CELF5: variants seen among roughly 807,000 people sequenced by gnomAD.
CELF5 encodes the protein CUGBP Elav-like family member 5.
A neutral mutation model predicts 54.9 loss-of-function variants in CELF5; 6 were observed. The observed-to-expected ratio is 0.11, with a 90% CI of 0.06 to 0.22. The LOEUF is 0.22. Among genes scored for constraint, CELF5 ranks in the 10% least tolerant of loss-of-function variants. The pLI is 1.00. For synonymous variants in CELF5, 271 were observed against 290.9 expected (o/e 0.93, Z 0.70); for missense variants, 401 against 678.6 (o/e 0.59, Z 4.54).
rs1917028860 is a variant in CELF5 at position 3,228,109 on chromosome 19, GAGAGAGAGAGAGAGAGAGATGAGGACAC to G, written c.259+3129_259+3156del. ...CCTGGGGCGCTGGGTTTGTTTTTAA[GAGAGAGAGAGAGAGAGAGATGAGGACAC>G]AGAGAGAGAGAGAGAGACACGCAGG... On this transcript the variant is annotated intron_variant, in intron 1 of 12. Coordinates refer to ENST00000292672, the MANE Select transcript of CELF5 (RefSeq NM_021938.4). The surrounding 1 kb of genome is among the most constrained non-coding windows in gnomAD (Gnocchi z 6.0). Among the ~76,000 whole-genome samples the G allele has an allele frequency of 6.7e-6, 1 of 149,260 alleles. No individual in the cohort carries two copies. The highest frequency in any genetic ancestry group is 1.5e-5 in the Non-Finnish European group (1 of 67,038).
chr19:3,288,915 C>A (rs138778825), intron 10 of CELF5, among the ~76,000 whole-genome samples: 6 of 152,160 alleles, frequency 3.9e-5, no homozygotes, highest in Non-Finnish European at 5.9e-5. Flanking sequence ...GGAAGAAGGT[C>A]ATTTTTAGGT....
intron 2 of CELF5, among the ~76,000 whole-genome samples, chr19:3,263,655 C>T (rs1047097874): frequency 2.6e-5 from 4 of 151,806 alleles, no homozygotes; most frequent in East Asian, 1.9e-4. Flanking sequence ...CTGTAATCCC[C>T]GCACTTTGGG....
chr19:3,291,784 CA>C (rs1403773684), intron 11 of CELF5, among the ~76,000 whole-genome samples: 9 of 151,164 alleles, frequency 6.0e-5, no homozygotes, highest in African/African-American at 1.9e-4. Flanking sequence ...GGAGAGGGGA[CA>C]GGGGAGGGTG....
intron 1 of CELF5, among the ~76,000 whole-genome samples, chr19:3,231,230 G>T (rs1337826218): frequency 6.6e-6 from 1 of 152,210 alleles, no homozygotes; most frequent in Non-Finnish European, 1.5e-5. Flanking sequence ...AAGTGAGCTT[G>T]TGGATGAACA....
Position 3,278,047 on chromosome 19 carries a change from G to A in CELF5, c.540G>A (p.Lys180=), listed in dbSNP as rs763518058. The A allele has an allele frequency of 6.8e-6, 11 of 1,612,888 alleles. No homozygotes were observed. The highest frequency in any genetic ancestry group is 2.2e-5 in the East Asian group (1 of 44,848). Residue 180 remains lysine, a synonymous_variant, in exon 5 of 13, where the codon AAG becomes AAA. Transcript: ENST00000292672. This position sits in a 1 kb window ranked among gnomAD's most constrained non-coding sequence, Gnocchi z 4.5. ...TTGGAGCAGGCTGTGCTTTCGTGAA[G>A]TTCTCCTCCCACACGGAGGCGCAGG... The part of the protein sequence containing the change: ...DGSSKGCAFV[K]FSSHTEAQAA...
chr19:3,231,359 T>C (rs1457109802), intron 1 of CELF5, among the ~76,000 whole-genome samples: 1 of 151,978 alleles, frequency 6.6e-6, no homozygotes, highest in Non-Finnish European at 1.5e-5. Context: ...GATGAATGGG[T>C]GACAGTGACT....
At chr19:3,233,953 A>G (rs1298178763) in intron 1 of CELF5, among the ~76,000 whole-genome samples, 1 of 152,170 alleles carries the variant, frequency 6.6e-6, no homozygotes, top group Admixed American at 6.5e-5. Context: ...GCTCCTGAAG[A>G]CGGCGGCGCC....
chr19:3,268,904 T>C lies in CELF5; in HGVS notation c.343-4968T>C, dbSNP rs1347519628. Among the ~76,000 whole-genome samples, 1 of 150,480 alleles carries C rather than the reference T, an allele frequency of 6.6e-6. No individual in the cohort carries two copies. ...GTCACCAGCCACGTTCAGGGGGCCA[T>C]GGCAGGAGGAGCGGGGAGGAATGAC... On this transcript the variant is annotated intron_variant, in intron 2 of 12. Transcript: ENST00000292672. The surrounding 1 kb of genome is among the most constrained non-coding windows in gnomAD (Gnocchi z 4.4).
chr19:3,246,098 T>TTA (rs1354724579), intron 1 of CELF5, among the ~76,000 whole-genome samples: 2 of 152,224 alleles, frequency 1.3e-5, no homozygotes, highest in African/African-American at 4.8e-5. Context: ...GTGCGGTGGC[T>TTA]TACGCCTATA....
At chr19:3,234,461 T>C (rs992885171) in intron 1 of CELF5, among the ~76,000 whole-genome samples, 4 of 152,098 alleles carry the variant, frequency 2.6e-5, no homozygotes, top group African/African-American at 9.7e-5. Context: ...ACATTTGTGG[T>C]TGTCATGATT....
intron 10 of CELF5, among the ~76,000 whole-genome samples, chr19:3,288,886 CTTG>C (rs915727857): frequency 1.3e-5 from 2 of 151,980 alleles, no homozygotes; most frequent in Non-Finnish European, 2.9e-5. Flanking sequence ...AGGGATTCCT[CTTG>C]TTGTGGGGTG....
intron 1 of CELF5, among the ~76,000 whole-genome samples, chr19:3,244,967 CGT>C (rs1431672254): frequency 3.3e-4 from 34 of 102,152 alleles, no homozygotes; most frequent in African/African-American, 1.2e-3. Context: ...ATCTTGTCTG[CGT>C]GTGTGTGTGC....
intron 10 of CELF5, among the ~76,000 whole-genome samples, chr19:3,290,007 G>A (rs2080316514): frequency 6.6e-6 from 1 of 152,048 alleles, no homozygotes. Context: ...GGACCATTTT[G>A]GTGCGGAGTA....
chr19:3,258,953 G>T (rs566975293), intron 2 of CELF5, among the ~76,000 whole-genome samples: 5 of 152,202 alleles, frequency 3.3e-5, no homozygotes, highest in African/African-American at 1.2e-4. Flanking sequence ...TCACTCCAGG[G>T]GTGACCACAG....
chr19:3,258,636 G>A (rs1420615420), intron 2 of CELF5, among the ~76,000 whole-genome samples: 5 of 152,122 alleles, frequency 3.3e-5, no homozygotes, highest in African/African-American at 1.2e-4. Context: ...TTTAGAGACA[G>A]GGTCTTGCTC....
At chr19:3,283,290 G>C (rs2080181353) in intron 8 of CELF5, among the ~76,000 whole-genome samples, 1 of 152,070 alleles carries the variant, frequency 6.6e-6, no homozygotes, top group Non-Finnish European at 1.5e-5. Flanking sequence ...TGTGAAGTAA[G>C]TTATCTGTCT....
intron 1 of CELF5, among the ~76,000 whole-genome samples, chr19:3,233,736 G>C (rs1917385717): frequency 6.6e-6 from 1 of 152,184 alleles, no homozygotes; most frequent in African/African-American, 2.4e-5. Context: ...AGCGGGTTCT[G>C]TGTGTCTTGG....
chr19:3,293,316 C>T lies in CELF5; in HGVS notation c.1331-3C>T. ...CCACGGAGGTCCACCCTGGTTTCTG[C>T]AGGCTTCGTGAGCTTTGATAACCCG... On this transcript the variant is annotated splice_polypyrimidine_tract_variant and splice_region_variant and intron_variant, in intron 11 of 12. Coordinates refer to ENST00000292672, the MANE Select transcript of CELF5 (RefSeq NM_021938.4). 6.2e-7 allele frequency: 1 copy of T among 1,614,032 alleles called. No homozygotes were observed. Among genetic ancestry groups the T allele is most frequent in the African/African-American group, 1.3e-5 (1 of 75,066 alleles).
At chr19:3,231,448 G>A (rs555405144) in intron 1 of CELF5, among the ~76,000 whole-genome samples, 1 of 60,556 alleles carries the variant, frequency 1.7e-5, no homozygotes, top group South Asian at 9.0e-4. Context: ...ATGGGTGAAC[G>A]GATGGATGGA....
Sources: allele counts gnomAD v4.1 joint callset (sites outside exome capture counted in the v4.1 genomes callset), GRCh38; gene constraint gnomAD v4.1.1; non-coding constraint Gnocchi (gnomAD v3.1); transcripts MANE v1.5; gene names NCBI Gene and HGNC (gene_info 2026-07-23, HGNC 2026-07-21).